RAB4A: variants seen among roughly 807,000 people sequenced by gnomAD.
RAB4A encodes the protein ras-related protein Rab-4A.
A neutral mutation model predicts 34.5 loss-of-function variants in RAB4A; 20 were observed. That is an observed-to-expected ratio of 0.58 (90% CI 0.41 to 0.84). The LOEUF (loss-of-function observed/expected upper bound fraction) is 0.84. RAB4A is among the 40% of genes least tolerant of loss of function. RAB4A has a pLI of 0.00. For missense variants in RAB4A, 228 were observed against 274.5 expected (o/e 0.83, Z 1.20); for synonymous variants, 102 against 100.0 (o/e 1.02, Z -0.12).
intron 4 of RAB4A, among the ~76,000 whole-genome samples, chr1:229,296,546 G>T (rs545623011): frequency 6.6e-6 from 1 of 152,340 alleles, no homozygotes; most frequent in East Asian, 1.9e-4. Flanking sequence ...CATGTGGCTG[G>T]TGACTACCAT....
chr1:229,300,840 C>T (rs1558241724), intron 6 of RAB4A, among the ~76,000 whole-genome samples: 1 of 151,768 alleles, frequency 6.6e-6, no homozygotes, highest in Non-Finnish European at 1.5e-5. Context: ...TTAAGGAGAG[C>T]AGTGATCAAC....
rs1229351500 is a variant in RAB4A, at chr1:229,271,316, G to C, written c.-24G>C. 9.0e-6 allele frequency: 12 copies of C among 1,328,456 alleles called. 1 individual carries two copies. The highest frequency in any genetic ancestry group is 8.7e-6 in the Non-Finnish European group (9 of 1,037,320). 82.3% of individuals were successfully genotyped at this position (1,328,456 alleles called of 1,614,324 possible). Reference sequence around the variant, plus strand: ...GCGGGCGAGTGCAGCCGGTGACCCGGCGAGAGGCGGCGCCGCTCCCAAGAT... The same window carrying C: ...GCGGGCGAGTGCAGCCGGTGACCCGCCGAGAGGCGGCGCCGCTCCCAAGAT... On this transcript the variant is annotated 5_prime_UTR_variant, in exon 1 of 8. Transcript: ENST00000366690.
At chr1:229,297,424 A>G (rs1485893851) in intron 4 of RAB4A, 58 bp from the exon 5 acceptor site, 34 of 1,502,096 alleles carry the variant, frequency 2.3e-5, no homozygotes, top group Non-Finnish European at 2.5e-5. Context: ...GAATGACTGG[A>G]AAGAGTTGCT....
intron 1 of RAB4A, among the ~76,000 whole-genome samples, chr1:229,276,406 A>G (rs903629080): frequency 3.3e-5 from 5 of 151,490 alleles, no homozygotes; most frequent in Non-Finnish European, 7.3e-5. Flanking sequence ...TGAACTGTAA[A>G]GTATTCCAAT....
At chr1:229,300,001 A>G (rs1323114622) in intron 6 of RAB4A, among the ~76,000 whole-genome samples, 1 of 152,146 alleles carries the variant, frequency 6.6e-6, no homozygotes, top group Non-Finnish European at 1.5e-5. Context: ...AGCAGGAGAA[A>G]AGGTTGAAGA....
In RAB4A at chr1:229,295,838, A is replaced by G; in HGVS notation, c.228-10A>G. ...ATTGGTTGAAAGTAAAACCAGTATAATTCTTCCAGGTCCGTGACGAGAAGT... is the reference window on the plus strand; with the variant it reads ...ATTGGTTGAAAGTAAAACCAGTATAGTTCTTCCAGGTCCGTGACGAGAAGT... On this transcript the variant is annotated splice_polypyrimidine_tract_variant and intron_variant, in intron 3 of 7. Transcript: ENST00000366690. 1.2e-6 allele frequency: 2 copies of G among 1,613,998 alleles called. No homozygotes were observed. The highest frequency in any genetic ancestry group is 1.7e-6 in the Non-Finnish European group (2 of 1,179,948).
chr1:229,276,507 C>T (rs1656653637), intron 1 of RAB4A, among the ~76,000 whole-genome samples: 3 of 151,286 alleles, frequency 2.0e-5, no homozygotes, highest in Non-Finnish European at 4.4e-5. Context: ...ATCTTTTTTT[C>T]AGCTACCTAA....
chr1:229,287,351 T>C (rs1656950483), intron 2 of RAB4A, among the ~76,000 whole-genome samples: 1 of 152,224 alleles, frequency 6.6e-6, no homozygotes, highest in African/African-American at 2.4e-5. Flanking sequence ...GCTTCTTCCA[T>C]TTTCATCACC....
At chr1:229,273,929 GA>G (rs1376360354) in intron 1 of RAB4A, among the ~76,000 whole-genome samples, 2 of 152,142 alleles carry the variant, frequency 1.3e-5, no homozygotes, top group African/African-American at 4.8e-5. Flanking sequence ...GCTGGTGAAG[GA>G]ATGTTTGCCT....
chr1:229,271,243 C>T lies in RAB4A; in HGVS notation c.-97C>T, dbSNP rs1558232853. On this transcript the variant is annotated 5_prime_UTR_variant, in exon 1 of 8. Transcript: ENST00000366690. Reference sequence around the variant, plus strand: ...GGGACCGGTCGGGCCCCTCCCTCCTCCGGTCCCCCGCCCCAGGTCCTTCCC... The same window carrying T: ...GGGACCGGTCGGGCCCCTCCCTCCTTCGGTCCCCCGCCCCAGGTCCTTCCC... The T allele has an allele frequency of 2.5e-6, 3 of 1,207,534 alleles. No homozygotes were observed. The highest frequency in any genetic ancestry group is 3.1e-6 in the Non-Finnish European group (3 of 956,804). The allele number at this position is 1,207,534 out of a possible 1,614,324, so 74.8% of individuals were successfully genotyped here.
At chr1:229,288,508 G>C (rs574336486) in intron 2 of RAB4A, among the ~76,000 whole-genome samples, 50 of 152,262 alleles carry the variant, frequency 3.3e-4, no homozygotes, top group African/African-American at 1.2e-3. Flanking sequence ...CATTTGTTTG[G>C]GGGTTTTGAG....
Position 229,302,281 on chromosome 1 carries a change from A to T in RAB4A, c.542-581A>T, listed in dbSNP as rs1558242224. Among the ~76,000 whole-genome samples the T allele has an allele frequency of 5.5e-4, 10 of 18,044 alleles. 1 individual carries two copies. Among genetic ancestry groups the T allele is most frequent in the African/African-American group, 1.2e-3 (4 of 3,210 alleles). The allele number at this position is 18,044 out of a possible 152,430, so 11.8% of individuals were successfully genotyped here. A position where few individuals can be genotyped will look rare whatever the true frequency, so the allele number is the denominator to read the frequency against. ...ATTATATATATATATATATATATAT[A>T]TATATATATATATATATATATATAT... is the stretch of plus-strand genomic sequence containing the variant. On this transcript the variant is annotated intron_variant, in intron 6 of 7. Coordinates refer to ENST00000366690, the MANE Select transcript of RAB4A (RefSeq NM_004578.4).
intron 4 of RAB4A, among the ~76,000 whole-genome samples, chr1:229,296,625 ACTGT>A (rs950878520): frequency 3.4e-4 from 52 of 152,302 alleles, no homozygotes; most frequent in African/African-American, 1.2e-3. Context: ...TCTCAGTAGC[ACTGT>A]CTTAGAAATG....
chr1:229,276,088 A>G (rs892128864), intron 1 of RAB4A, among the ~76,000 whole-genome samples: 1 of 151,478 alleles, frequency 6.6e-6, no homozygotes, highest in Non-Finnish European at 1.5e-5. Context: ...CATTTCTTCA[A>G]GTTGAATAAA....
At chr1:229,283,847 C>G (rs1161325858) in intron 1 of RAB4A, among the ~76,000 whole-genome samples, 1 of 151,804 alleles carries the variant, frequency 6.6e-6, no homozygotes, top group Non-Finnish European at 1.5e-5. Flanking sequence ...CTGCCTCAGC[C>G]TCCCAAGTAG....
intron 3 of RAB4A, among the ~76,000 whole-genome samples, chr1:229,291,456 G>A (rs1164718519): frequency 2.0e-5 from 3 of 151,964 alleles, no homozygotes; most frequent in African/African-American, 7.2e-5. Context: ...CTTCCAGGAG[G>A]ACCAGGGGAA....
intron 3 of RAB4A, among the ~76,000 whole-genome samples, chr1:229,294,338 G>C (rs569817382): frequency 6.6e-6 from 1 of 152,360 alleles, no homozygotes; most frequent in East Asian, 1.9e-4. Flanking sequence ...AGAATGACCA[G>C]AGCCAGAGAA....
intron 1 of RAB4A, among the ~76,000 whole-genome samples, chr1:229,284,664 T>A (rs1190099150): frequency 1.3e-5 from 2 of 152,234 alleles, no homozygotes; most frequent in Non-Finnish European, 2.9e-5. Flanking sequence ...TCATGTGTAT[T>A]CTGCAGTTTC....
At chr1:229,302,736 C>T in intron 6 of RAB4A, 126 bp from the exon 7 acceptor site, 1 of 619,576 alleles carries the variant, frequency 1.6e-6, no homozygotes, top group Non-Finnish European at 2.7e-6. Flanking sequence ...ATAGTTTTTT[C>T]CCTTTATTCA....
Sources: gnomAD v4.1 joint callset for allele counts (sites outside exome capture counted in the v4.1 genomes callset) on GRCh38, gnomAD v4.1.1 for gene constraint, MANE v1.5 for transcripts, NCBI Gene and HGNC (gene_info 2026-07-23, HGNC 2026-07-21) for gene names.